LARS2: variants seen among roughly 807,000 people sequenced by gnomAD.
LARS2 encodes the protein leucine--tRNA ligase, mitochondrial.
Under a neutral mutation model 116.6 loss-of-function variants are expected in LARS2, and 81 were observed. The observed-to-expected ratio is 0.69, with a 90% CI of 0.58 to 0.84. LARS2 has a LOEUF of 0.84. Among genes scored for constraint, LARS2 ranks in the 40% least tolerant of loss-of-function variants. The pLI is 0.00. For synonymous variants in LARS2, 396 were observed against 407.2 expected (o/e 0.97, Z 0.33); for missense variants, 968 against 1,114.5 (o/e 0.87, Z 1.87).
chr3:45,465,834 A>G (rs1435914371), intron 8 of LARS2, among the ~76,000 whole-genome samples: 2 of 152,186 alleles, frequency 1.3e-5, no homozygotes, highest in African/African-American at 4.8e-5. Context: ...TGTAGTCTCT[A>G]TTAGGTCAAT....
At chr3:45,462,091 T>C (rs1216188947) in intron 8 of LARS2, among the ~76,000 whole-genome samples, 1 of 152,176 alleles carries the variant, frequency 6.6e-6, no homozygotes. Context: ...AGTAATGCTT[T>C]CGGCTGCAAG....
chr3:45,536,718 C>T (rs1700711154), intron 20 of LARS2, among the ~76,000 whole-genome samples: 2 of 152,204 alleles, frequency 1.3e-5, no homozygotes, highest in Non-Finnish European at 2.9e-5. Context: ...AATTGAAAAG[C>T]ATGTCTATAC....
chr3:45,415,903 A>G (rs1479474334), intron 4 of LARS2, among the ~76,000 whole-genome samples: 43 of 145,200 alleles, frequency 3.0e-4, no homozygotes, highest in African/African-American at 5.5e-4. Context: ...GGAGAGAGAG[A>G]GAGAGAGAGA....
chr3:45,443,378 G>A (rs1698946803), intron 6 of LARS2, among the ~76,000 whole-genome samples: 1 of 152,150 alleles, frequency 6.6e-6, no homozygotes, highest in African/African-American at 2.4e-5. Flanking sequence ...TTTTTGTTTT[G>A]CTTTGTTTTA....
chr3:45,411,412 C>G (rs1698328462), intron 4 of LARS2, among the ~76,000 whole-genome samples: 1 of 152,200 alleles, frequency 6.6e-6, no homozygotes, highest in Non-Finnish European at 1.5e-5. Flanking sequence ...AACTGCATTC[C>G]TTTGTACCTA....
At chr3:45,454,885 G>T (rs948871844) in intron 7 of LARS2, among the ~76,000 whole-genome samples, 1 of 152,142 alleles carries the variant, frequency 6.6e-6, no homozygotes, top group Admixed American at 6.5e-5. Flanking sequence ...GCTTCAAGGG[G>T]TTGCAGGTGC....
At chr3:45,485,652 C>T (rs1423857750) in intron 10 of LARS2, 40 bp from the exon 11 acceptor site, 3 of 1,151,142 alleles carry the variant, frequency 2.6e-6, no homozygotes, top group East Asian at 4.8e-5. Flanking sequence ...GTTGGTGTCT[C>T]AGTTGAGTGG....
At chr3:45,498,786 T>G (rs1397913087) in intron 14 of LARS2, among the ~76,000 whole-genome samples, 1 of 152,194 alleles carries the variant, frequency 6.6e-6, no homozygotes, top group African/African-American at 2.4e-5. Context: ...AGCCAGAAAA[T>G]GGAAATGACA....
At chr3:45,529,533 G>C (rs1700583377) in intron 20 of LARS2, among the ~76,000 whole-genome samples, 3 of 147,036 alleles carry the variant, frequency 2.0e-5, no homozygotes, top group African/African-American at 7.6e-5. Context: ...TGGGCAATGA[G>C]AGCGAAACTC....
chr3:45,523,971 TCTTA>T (rs747708147), intron 19 of LARS2, 22 bp from the exon 20 acceptor site: 1 of 1,552,390 alleles, frequency 6.4e-7, no homozygotes, highest in Non-Finnish European at 8.9e-7. Context: ...ACCTCAGTCT[TCTTA>T]CTTTTTTTTC....
Position 45,496,358 on chromosome 3 carries a change from C to T in LARS2, c.1607C>T (p.Pro536Leu), listed in dbSNP as rs1575292827. Reference protein sequence around the residue: ...SAWYYFRYTDPHNPHSPFNTA... With the variant: ...SAWYYFRYTDLHNPHSPFNTA... ...TGGTACTACTTCAGATACACTGACC[C>T]TCATAATCCACACAGGTAAAACGTC... is the stretch of plus-strand genomic sequence containing the variant. Residue 536 changes from proline to leucine, a missense_variant, in exon 14 of 22, where the codon CCT becomes CTT. Transcript: ENST00000645846. 9.3e-6 allele frequency: 15 copies of T among 1,613,086 alleles called. No individual in the cohort carries two copies. Among genetic ancestry groups the T allele is most frequent in the Non-Finnish European group, 1.3e-5 (15 of 1,179,092 alleles).
chr3:45,524,735 G>A (rs571983962), intron 20 of LARS2, among the ~76,000 whole-genome samples: 1 of 152,272 alleles, frequency 6.6e-6, no homozygotes, highest in Admixed American at 6.5e-5. Context: ...CTAGAAATAG[G>A]TCATCTGAAA....
intron 15 of LARS2, among the ~76,000 whole-genome samples, chr3:45,511,456 C>T (rs146631360): frequency 2.0e-5 from 3 of 152,198 alleles, no homozygotes; most frequent in South Asian, 2.1e-4. Flanking sequence ...GTTGATTTCA[C>T]GTTCTGCTAA....
chr3:45,467,495 C>T (rs905123241), intron 8 of LARS2, among the ~76,000 whole-genome samples: 1 of 152,128 alleles, frequency 6.6e-6, no homozygotes, highest in Admixed American at 6.5e-5. Context: ...ACAACATGCT[C>T]TTAACTATGT....
At chr3:45,453,722 A>G (rs1429211739) in intron 7 of LARS2, among the ~76,000 whole-genome samples, 1 of 152,178 alleles carries the variant, frequency 6.6e-6, no homozygotes, top group Non-Finnish European at 1.5e-5. Flanking sequence ...GACCTATGTG[A>G]TGTTGCTTAG....
At chr3:45,429,764 C>T (rs558221071) in intron 6 of LARS2, among the ~76,000 whole-genome samples, 7 of 129,586 alleles carry the variant, frequency 5.4e-5, no homozygotes, top group South Asian at 2.5e-4. Flanking sequence ...TGCAGTGTTG[C>T]GATCTCAGCT....
chr3:45,544,211 C>A (rs1170907034), intron 21 of LARS2, among the ~76,000 whole-genome samples: 1 of 152,232 alleles, frequency 6.6e-6, no homozygotes, highest in African/African-American at 2.4e-5. Flanking sequence ...TCTGCCCACA[C>A]CAGGGATACA....
At chr3:45,542,573 A>G (rs765920415) in intron 21 of LARS2, among the ~76,000 whole-genome samples, 1 of 152,200 alleles carries the variant, frequency 6.6e-6, no homozygotes, top group Non-Finnish European at 1.5e-5. Flanking sequence ...GTGTCTGAAG[A>G]AAAAAAGAGG....
intron 12 of LARS2, among the ~76,000 whole-genome samples, chr3:45,489,184 T>C (rs997138123): frequency 1.3e-5 from 2 of 152,178 alleles, no homozygotes; most frequent in Admixed American, 6.5e-5. Flanking sequence ...AAAGTGTAAC[T>C]CACTTATAGA....
Sources: allele counts gnomAD v4.1 joint callset (sites outside exome capture counted in the v4.1 genomes callset), GRCh38; gene constraint gnomAD v4.1.1; transcripts MANE v1.5; gene names NCBI Gene and HGNC (gene_info 2026-07-23, HGNC 2026-07-21).